Variants in PCDH11X observed in about 807,000 individuals in gnomAD.
PCDH11X encodes protocadherin 11 X-linked.
In PCDH11X, 18 loss-of-function variants were observed where a neutral mutation model predicts 53.3. The observed-to-expected ratio is 0.34, with a 90% CI of 0.23 to 0.50. PCDH11X has a LOEUF of 0.50. PCDH11X is among the 20% of genes least tolerant of loss of function. The probability of loss-of-function intolerance (pLI) is 0.98; values close to 1 mark genes in which losing one functional copy is unlikely to be tolerated. For synonymous variants in PCDH11X, 279 were observed against 393.3 expected (o/e 0.71, Z 3.44); for missense variants, 570 against 1,032.4 (o/e 0.55, Z 6.14).
intron 6 of PCDH11X, among the ~76,000 whole-genome samples, chrX:92,188,117 A>G (rs1475081822): frequency 3.6e-5 from 4 of 111,642 alleles, no homozygotes; most frequent in Non-Finnish European, 7.5e-5. Flanking sequence ...AGGTCAAAAA[A>G]GCTGTGACTT....
At chrX:92,179,984 G>A (rs1221449606) in intron 6 of PCDH11X, among the ~76,000 whole-genome samples, 9 of 111,378 alleles carry the variant, frequency 8.1e-5, no homozygotes, top group African/African-American at 2.9e-4. Flanking sequence ...CGCTCTCTCC[G>A]TATTAGTCTG....
At chrX:92,516,858 A>C (rs1303743336) in intron 10 of PCDH11X, among the ~76,000 whole-genome samples, 1 of 112,589 alleles carries the variant, frequency 8.9e-6, no homozygotes, top group African/African-American at 3.2e-5. Flanking sequence ...GTATCTTTCT[A>C]ACATTTGGCA....
intron 8 of PCDH11X, among the ~76,000 whole-genome samples, chrX:92,331,431 T>G (rs1052803577): frequency 1.9e-5 from 2 of 103,251 alleles, no homozygotes; most frequent in Admixed American, 1.1e-4. Flanking sequence ...TGTTTTTAAA[T>G]TGCCTAGAAT....
At position 91,895,052 on chromosome X, in the gene PCDH11X, C is replaced by T. The variant is rs573437394; in HGVS notation, c.3033+15779C>T. Among the ~76,000 whole-genome samples, 15 of 111,315 alleles carry T rather than the reference C, an allele frequency of 1.3e-4. No individual in the cohort carries two copies. In the South Asian group the frequency reaches 5.3e-3, roughly 39 times the overall value. ...CAATAAGAGAAAAAATCTCAGTCAA[C>T]TACACACTTTCTGGATAAGGTGACT... On this transcript the variant is annotated intron_variant, in intron 6 of 10. Coordinates refer to ENST00000682573, the MANE Select transcript of PCDH11X (RefSeq NM_032968.5).
At position 92,490,734 on chromosome X, in the gene PCDH11X, AAG is replaced by A. The variant is rs762908240; in HGVS notation, c.3367+22418_3367+22419del. Among the ~76,000 whole-genome samples, 31 of 87,196 alleles carry A rather than the reference AAG, an allele frequency of 3.6e-4. No individual in the cohort carries two copies. In the South Asian group the frequency reaches 0.014, roughly 38 times the overall value. The allele number at this position is 87,196 out of a possible 115,157, so 75.7% of individuals were successfully genotyped here. ...AAAGAAAGAAAGAAAGAAAGAGAGA[AAG>A]AGAGAAAGAGAGAAAGAAAGAAAGA... On this transcript the variant is annotated intron_variant, in intron 10 of 10. Coordinates refer to ENST00000682573, the MANE Select transcript of PCDH11X (RefSeq NM_032968.5).
chrX:92,005,886 G>T (rs2062591179), intron 6 of PCDH11X, among the ~76,000 whole-genome samples: 1 of 111,726 alleles, frequency 9.0e-6, no homozygotes, highest in South Asian at 3.7e-4. Context: ...CTATTCTAGG[G>T]TAAAAGTTGT....
At chrX:91,982,063 G>A (rs879137736) in intron 6 of PCDH11X, among the ~76,000 whole-genome samples, 1 of 111,064 alleles carries the variant, frequency 9.0e-6, no homozygotes, top group African/African-American at 3.3e-5. Context: ...GCTAAAAAAC[G>A]CAACACAGGA....
chrX:92,301,734 C>CTTTTTTTTTTTTTTTTTTTTTTT (rs1569459116), intron 8 of PCDH11X, among the ~76,000 whole-genome samples: 1 of 109,725 alleles, frequency 9.1e-6, no homozygotes, highest in African/African-American at 3.4e-5. Flanking sequence ...GCTTCCTTTT[C>CTTTTTTTTTTTTTTTTTTTTTTT]TTGTGTTGTC....
intron 7 of PCDH11X, among the ~76,000 whole-genome samples, chrX:92,217,851 G>T (rs187895639): frequency 2.9e-4 from 32 of 110,979 alleles, no homozygotes; most frequent in Middle Eastern, 9.2e-3. Context: ...ATAACAAACT[G>T]TCTCTCAGAC....
chrX:92,464,236 T>C (rs2073111051), intron 9 of PCDH11X, among the ~76,000 whole-genome samples: 1 of 109,382 alleles, frequency 9.1e-6, no homozygotes, highest in South Asian at 3.8e-4. Context: ...GCTTCTCTGT[T>C]TGTAGCTCAT....
At chrX:91,822,348 C>A (rs1224236064) in intron 4 of PCDH11X, among the ~76,000 whole-genome samples, 5 of 106,371 alleles carry the variant, frequency 4.7e-5, no homozygotes, top group African/African-American at 1.7e-4. Context: ...GCCACAATTT[C>A]AGATCCTGTT....
chrX:92,414,743 A>G (rs2579004), intron 9 of PCDH11X, among the ~76,000 whole-genome samples: 35,824 of 110,397 alleles, frequency 0.32, 4,797 homozygotes, highest in East Asian at 0.71. Flanking sequence ...AAAAAATTCT[A>G]TAGTGTTACA....
chrX:92,071,771 C>A (rs1389161648), intron 6 of PCDH11X, among the ~76,000 whole-genome samples: 1 of 111,650 alleles, frequency 9.0e-6, no homozygotes, highest in Non-Finnish European at 1.9e-5. Context: ...TTCTCCCAAA[C>A]AAATGAAGTC....
At chrX:92,243,460 A>G (rs1381850286) in intron 7 of PCDH11X, among the ~76,000 whole-genome samples, 14 of 111,073 alleles carry the variant, frequency 1.3e-4, no homozygotes, top group Non-Finnish European at 2.6e-4. Context: ...CCAGTTATCT[A>G]TGTTTCTATT....
At position 92,293,506 on chromosome X, in the gene PCDH11X, C is replaced by A. The variant is rs187960657; in HGVS notation, c.3144+30363C>A. Among the ~76,000 whole-genome samples the A allele has an allele frequency of 6.2e-3, 678 of 109,077 alleles. 7 individuals are homozygous for A. The highest frequency in any genetic ancestry group is 0.022 in the African/African-American group (640 of 29,513). 94.7% of individuals were successfully genotyped at this position (109,077 alleles called of 115,157 possible). On this transcript the variant is annotated intron_variant, in intron 8 of 10. Coordinates refer to ENST00000682573, the MANE Select transcript of PCDH11X (RefSeq NM_032968.5). Reference sequence around the variant, plus strand: ...GGGCGTGGTAGCGGGCGCCTGTAGTCCCAGCTACTCGGGAGGCTGAGGCAG... The same window carrying A: ...GGGCGTGGTAGCGGGCGCCTGTAGTACCAGCTACTCGGGAGGCTGAGGCAG...
chrX:92,385,763 A>C (rs868326268), intron 8 of PCDH11X, among the ~76,000 whole-genome samples: 31 of 111,252 alleles, frequency 2.8e-4, no homozygotes, highest in Middle Eastern at 9.3e-3. Flanking sequence ...TAGAGGTTGC[A>C]GTGAGCCAAG....
chrX:92,567,196 G>A (rs1281815127), intron 10 of PCDH11X, among the ~76,000 whole-genome samples: 1 of 105,606 alleles, frequency 9.5e-6, no homozygotes, highest in Non-Finnish European at 2.0e-5. Context: ...AATAAGCATT[G>A]AATGAATAAA....
At chrX:92,013,179 CAA>C (rs1314647306) in intron 6 of PCDH11X, among the ~76,000 whole-genome samples, 3 of 111,818 alleles carry the variant, frequency 2.7e-5, no homozygotes, top group African/African-American at 9.7e-5. Context: ...GCAACTTCAG[CAA>C]AGTCTCGGGA....
At chrX:92,087,345 G>T (rs1374083184) in intron 6 of PCDH11X, among the ~76,000 whole-genome samples, 1 of 107,628 alleles carries the variant, frequency 9.3e-6, no homozygotes, top group Non-Finnish European at 1.9e-5. Context: ...TCGTGCCTTG[G>T]CCTCCCAAAG....
Sources: gnomAD v4.1 joint callset for allele counts (sites outside exome capture counted in the v4.1 genomes callset) on GRCh38, gnomAD v4.1.1 for gene constraint, MANE v1.5 for transcripts, NCBI Gene and HGNC (gene_info 2026-07-23, HGNC 2026-07-21) for gene names.